Variants in DOK6 observed in about 807,000 individuals in gnomAD.
DOK6 encodes docking protein 6.
In DOK6, 22 loss-of-function variants were observed where a neutral mutation model predicts 44.0. That is an observed-to-expected ratio of 0.50 (90% CI 0.36 to 0.71). The LOEUF is 0.71. DOK6 is among the 30% of genes least tolerant of loss of function. DOK6 has a pLI of 0.00. For synonymous variants in DOK6, 166 were observed against 145.5 expected (o/e 1.14, Z -1.01); for missense variants, 340 against 416.4 (o/e 0.82, Z 1.60).
chr18:69,750,522 G>T (rs1258058180), intron 6 of DOK6, among the ~76,000 whole-genome samples: 1 of 152,154 alleles, frequency 6.6e-6, no homozygotes, highest in Non-Finnish European at 1.5e-5. Context: ...AAACCACAAT[G>T]AGATATCTTC....
rs1289195322 is a variant in DOK6, at chr18:69,845,610, C to T, written c.*4227C>T. The T allele has an allele frequency of 7.9e-5, 12 of 152,266 alleles. No individual in the cohort carries two copies. The East Asian group carries it at 1.2e-3, about 15-fold the overall frequency. The allele number at this position is 152,266 out of a possible 1,614,324, so 9.4% of individuals were successfully genotyped here. ...AGGCAGGATGGCAACTAGTCATGAA[C>T]GCAACAATTTAGGTTAAATGATAAA... On this transcript the variant is annotated 3_prime_UTR_variant, in exon 8 of 8. Transcript: ENST00000382713.
intron 7 of DOK6, among the ~76,000 whole-genome samples, chr18:69,764,955 C>A (rs556597683): frequency 6.6e-6 from 1 of 152,264 alleles, no homozygotes; most frequent in Admixed American, 6.5e-5. Flanking sequence ...TACCTAATCA[C>A]CAGAAGGCAT....
intron 1 of DOK6, among the ~76,000 whole-genome samples, chr18:69,418,969 A>G (rs1363041966): frequency 6.6e-6 from 1 of 152,124 alleles, no homozygotes; most frequent in African/African-American, 2.4e-5. Flanking sequence ...ATTGGGGAAA[A>G]TATAAATGTT....
At chr18:69,482,064 G>A (rs1285109975) in intron 1 of DOK6, among the ~76,000 whole-genome samples, 2 of 152,102 alleles carry the variant, frequency 1.3e-5, no homozygotes, top group African/African-American at 4.8e-5. Context: ...AATTTTTGAT[G>A]GGGTTGTTTG....
chr18:69,844,959 A>G lies in DOK6; in HGVS notation c.*3576A>G, dbSNP rs914821348. 6.6e-6 allele frequency: 1 copy of G among 152,162 alleles called. No individual in the cohort carries two copies. Among genetic ancestry groups the G allele is most frequent in the Admixed American group, 6.5e-5 (1 of 15,282 alleles). 9.4% of individuals were successfully genotyped at this position (152,162 alleles called of 1,614,324 possible). On this transcript the variant is annotated 3_prime_UTR_variant, in exon 8 of 8. Coordinates refer to ENST00000382713, the MANE Select transcript of DOK6 (RefSeq NM_152721.6). The stretch of plus-strand genomic sequence containing the variant: ...TCAGTGTAGAAAGAGTGGACTGATA[A>G]ATAACTTTACATTGTTGGTAGTAGT...
At chr18:69,566,839 T>C (rs1982995779) in intron 2 of DOK6, among the ~76,000 whole-genome samples, 1 of 152,136 alleles carries the variant, frequency 6.6e-6, no homozygotes, top group Non-Finnish European at 1.5e-5. Flanking sequence ...AAACTAGTGG[T>C]GGTAATGTGT....
intron 7 of DOK6, among the ~76,000 whole-genome samples, chr18:69,776,003 T>G (rs1027328527): frequency 6.6e-6 from 1 of 151,980 alleles, no homozygotes; most frequent in African/African-American, 2.4e-5. Context: ...AATTATTAGA[T>G]GGAACCTATT....
At chr18:69,757,667 C>A in intron 6 of DOK6, 89 bp from the exon 7 acceptor site, 1 of 1,036,576 alleles carries the variant, frequency 9.6e-7, no homozygotes, top group Non-Finnish European at 1.5e-6. Context: ...TTCTATCTGT[C>A]ACTCACATTT....
intron 7 of DOK6, among the ~76,000 whole-genome samples, chr18:69,759,613 G>A (rs1057085201): frequency 6.6e-6 from 1 of 152,160 alleles, no homozygotes; most frequent in African/African-American, 2.4e-5. Context: ...GATTTAGACT[G>A]ATACACAATT....
chr18:69,508,279 TG>T (rs935648889), intron 1 of DOK6, among the ~76,000 whole-genome samples: 1 of 152,172 alleles, frequency 6.6e-6, no homozygotes, highest in African/African-American at 2.4e-5. Context: ...TGGAGTTTTT[TG>T]CATCTATATT....
intron 2 of DOK6, among the ~76,000 whole-genome samples, chr18:69,572,085 T>C (rs778820659): frequency 4.6e-5 from 7 of 152,094 alleles, no homozygotes; most frequent in Admixed American, 3.9e-4. Flanking sequence ...GCTCTAAATA[T>C]TTGAAAATTA....
rs1294924231 is a variant in DOK6, at chr18:69,608,811, G to A, written c.289+9313G>A. On this transcript the variant is annotated intron_variant, in intron 3 of 7. Transcript: ENST00000382713. ...CTAAAAATACAAAAATTAGGTGGGC[G>A]TGGTGGCAGGCGCCTATAATCCCAG... Among the ~76,000 whole-genome samples, 10 of 152,008 alleles carry A rather than the reference G, an allele frequency of 6.6e-5. No homozygotes were observed. The South Asian group carries it at 1.5e-3, about 22-fold the overall frequency.
At chr18:69,627,995 A>C (rs1463728181) in intron 3 of DOK6, among the ~76,000 whole-genome samples, 1 of 152,210 alleles carries the variant, frequency 6.6e-6, no homozygotes, top group Non-Finnish European at 1.5e-5. Flanking sequence ...TTCTCCTTTA[A>C]ATGAATTTTA....
chr18:69,502,458 G>A (rs1249021100), intron 1 of DOK6, among the ~76,000 whole-genome samples: 2 of 152,098 alleles, frequency 1.3e-5, no homozygotes, highest in African/African-American at 2.4e-5. Flanking sequence ...TCAAGGAAAT[G>A]CAGAGACTCT....
chr18:69,489,001 C>T (rs951517524), intron 1 of DOK6, among the ~76,000 whole-genome samples: 1 of 152,152 alleles, frequency 6.6e-6, no homozygotes, highest in African/African-American at 2.4e-5. Flanking sequence ...ATAGGGTTCA[C>T]AGAGCTGTAG....
chr18:69,440,328 A>G (rs953398019), intron 1 of DOK6, among the ~76,000 whole-genome samples: 3 of 152,212 alleles, frequency 2.0e-5, no homozygotes, highest in Non-Finnish European at 4.4e-5. Flanking sequence ...AATTACCAAA[A>G]TGTGACAAAG....
intron 3 of DOK6, chr18:69,659,948 C>CATATATGTATGTTTTATATATATAAT (rs1985479172): frequency 2.0e-5 from 2 of 100,600 alleles, no homozygotes; most frequent in South Asian, 3.8e-4. Flanking sequence ...ATATATATAA[C>CATATATGTATGTTTTATATATATAAT]ATATATGTAT....
At chr18:69,807,622 C>A (rs1268038356) in intron 7 of DOK6, among the ~76,000 whole-genome samples, 1 of 151,570 alleles carries the variant, frequency 6.6e-6, no homozygotes, top group East Asian at 1.9e-4. Context: ...CAAATAGAAA[C>A]CAAAAGAGAG....
chr18:69,405,068 T>A (rs565188728), intron 1 of DOK6, among the ~76,000 whole-genome samples: 1 of 152,344 alleles, frequency 6.6e-6, no homozygotes, highest in East Asian at 1.9e-4. Flanking sequence ...ACTAACTTTA[T>A]GAGCTGAGCA....
Sources: gnomAD v4.1 joint callset for allele counts (sites outside exome capture counted in the v4.1 genomes callset) on GRCh38, gnomAD v4.1.1 for gene constraint, MANE v1.5 for transcripts, NCBI Gene and HGNC (gene_info 2026-07-23, HGNC 2026-07-21) for gene names.